Variants in NOL10 observed in about 807,000 individuals in gnomAD.
The protein encoded by NOL10 is H_NH0074G24.1.
NOL10 carries 58 observed loss-of-function variants against 103.5 expected under a neutral mutation model. The ratio of observed to expected loss-of-function variants is 0.56; its 90% CI spans 0.45 to 0.70. The LOEUF (loss-of-function observed/expected upper bound fraction) is 0.70, where lower values mean the gene tolerates loss of function less well. Ranked by LOEUF, NOL10 falls within the 30% of genes least tolerant of loss-of-function variation. NOL10 has a pLI of 0.00. For missense variants in NOL10, 763 were observed against 807.3 expected (o/e 0.95, Z 0.67); for synonymous variants, 287 against 282.5 (o/e 1.02, Z -0.16).
chr2:10,641,960 G>C (rs775649709), intron 13 of NOL10, among the ~76,000 whole-genome samples: 4 of 152,204 alleles, frequency 2.6e-5, no homozygotes, highest in Non-Finnish European at 5.9e-5. Flanking sequence ...ATCTACTTTT[G>C]ACATGCAGAA....
intron 17 of NOL10, among the ~76,000 whole-genome samples, chr2:10,590,154 T>A (rs1675321376): frequency 2.6e-5 from 4 of 152,326 alleles, no homozygotes; most frequent in African/African-American, 9.6e-5. Flanking sequence ...CACTCCAGGC[T>A]GGAGTGCAGT....
chr2:10,589,525 AACATT>A (rs1675289286), intron 18 of NOL10, 48 bp downstream of exon 18: 5 of 1,384,016 alleles, frequency 3.6e-6, no homozygotes, highest in East Asian at 2.3e-5. Flanking sequence ...TTACAAAGAA[AACATT>A]ACATTAAAGA....
chr2:10,623,498 C>T (rs1446291101), intron 13 of NOL10, among the ~76,000 whole-genome samples: 1 of 152,198 alleles, frequency 6.6e-6, no homozygotes, highest in East Asian at 1.9e-4. Context: ...TTTCTTACCT[C>T]TTGTAAGATC....
Position 10,667,200 on chromosome 2 carries a change from A to T in NOL10, c.591+18T>A. 6.5e-7 allele frequency: 1 copy of T among 1,541,106 alleles called. No homozygotes were observed. The highest frequency in any genetic ancestry group is 8.8e-7 in the Non-Finnish European group (1 of 1,133,814). On this transcript the variant is annotated intron_variant, in intron 8 of 20. Coordinates refer to ENST00000381685, the MANE Select transcript of NOL10 (RefSeq NM_024894.4). ...TATAAAACAAATATTCTAAAAAATA[A>T]AGTCAACATATGCTTACCTCTATGG...
intron 17 of NOL10, among the ~76,000 whole-genome samples, chr2:10,598,744 A>G (rs1675828509): frequency 1.3e-5 from 2 of 152,234 alleles, no homozygotes; most frequent in South Asian, 4.1e-4. Context: ...CTCCGTATCA[A>G]AAGTTTAGGA....
At chr2:10,682,805 G>T (rs1681871387) in intron 2 of NOL10, among the ~76,000 whole-genome samples, 1 of 149,548 alleles carries the variant, frequency 6.7e-6, no homozygotes, top group African/African-American at 2.5e-5. Context: ...CTTTTTTTTT[G>T]AGACAAGTCT....
chr2:10,667,413 C>A, intron 7 of NOL10, 135 bp from the exon 8 acceptor site: 1 of 692,122 alleles, frequency 1.4e-6, no homozygotes, highest in South Asian at 1.7e-5. Flanking sequence ...TACTAATCTG[C>A]AAATGGAAAA....
At chr2:10,637,188 CAAAAA>C (rs61693251) in intron 13 of NOL10, among the ~76,000 whole-genome samples, 1 of 44,522 alleles carries the variant, frequency 2.2e-5, no homozygotes, top group Non-Finnish European at 4.0e-5. Context: ...GACACTGTCT[CAAAAA>C]AAAAAAAAAA....
chr2:10,597,060 C>A (rs1675730665), intron 17 of NOL10, among the ~76,000 whole-genome samples: 1 of 152,086 alleles, frequency 6.6e-6, no homozygotes, highest in African/African-American at 2.4e-5. Flanking sequence ...GACTCCAACT[C>A]CTGGGCTCAA....
At chr2:10,659,099 G>A (rs1680018380) in intron 10 of NOL10, 73 bp downstream of exon 10, 1 of 980,680 alleles carries the variant, frequency 1.0e-6, no homozygotes, top group African/African-American at 1.6e-5. Flanking sequence ...TTCCTGCAGT[G>A]TATTTCTCAT....
At chr2:10,623,722 C>CT (rs1558298110) in intron 13 of NOL10, among the ~76,000 whole-genome samples, 1 of 152,136 alleles carries the variant, frequency 6.6e-6, no homozygotes, top group Non-Finnish European at 1.5e-5. Context: ...ATACTCAAAA[C>CT]TAACAACTAA....
intron 12 of NOL10, among the ~76,000 whole-genome samples, chr2:10,644,798 C>T (rs190054151): frequency 1.6e-4 from 24 of 152,200 alleles, no homozygotes; most frequent in Middle Eastern, 3.4e-3. Flanking sequence ...GATAACTTTC[C>T]GGCATTCAAT....
chr2:10,680,440 T>G (rs1380086450), intron 3 of NOL10, among the ~76,000 whole-genome samples: 1 of 151,862 alleles, frequency 6.6e-6, no homozygotes, highest in African/African-American at 2.4e-5. Flanking sequence ...TGCATGGGAA[T>G]AGAGGACGAT....
At chr2:10,625,824 A>T (rs1677423783) in intron 13 of NOL10, among the ~76,000 whole-genome samples, 2 of 151,882 alleles carry the variant, frequency 1.3e-5, no homozygotes, top group African/African-American at 2.4e-5. Context: ...TCTATTTGAA[A>T]TTTTTTCTCC....
intron 1 of NOL10, among the ~76,000 whole-genome samples, chr2:10,689,215 GC>G (rs1261574758): frequency 6.6e-6 from 1 of 152,186 alleles, no homozygotes; most frequent in Non-Finnish European, 1.5e-5. Context: ...AATCTCAGCT[GC>G]ATTACTAAAC....
chr2:10,652,625 G>A (rs544738908), intron 12 of NOL10, among the ~76,000 whole-genome samples: 36 of 152,196 alleles, frequency 2.4e-4, no homozygotes, highest in African/African-American at 7.0e-4. Context: ...TGGCACTGTC[G>A]TTCTGTCCAT....
chr2:10,617,972 G>C (rs935483867), intron 13 of NOL10, among the ~76,000 whole-genome samples: 1 of 151,928 alleles, frequency 6.6e-6, no homozygotes, highest in Non-Finnish European at 1.5e-5. Context: ...TTTCTGGTTA[G>C]TGTGACACAA....
intron 7 of NOL10, among the ~76,000 whole-genome samples, 160 bp downstream of exon 7, chr2:10,668,498 A>G (rs1680696981): frequency 6.6e-6 from 1 of 152,214 alleles, no homozygotes; most frequent in Non-Finnish European, 1.5e-5. Context: ...CAGATCTTTC[A>G]GTGAATTTTT....
At chr2:10,679,993 G>A (rs1681616997) in intron 3 of NOL10, among the ~76,000 whole-genome samples, 2 of 151,978 alleles carry the variant, frequency 1.3e-5, no homozygotes, top group Non-Finnish European at 2.9e-5. Context: ...AAAGCCATTA[G>A]GCCAGGCGCA....
Sources: allele counts gnomAD v4.1 joint callset (sites outside exome capture counted in the v4.1 genomes callset), GRCh38; gene constraint gnomAD v4.1.1; transcripts MANE v1.5; gene names NCBI Gene and HGNC (gene_info 2026-07-23, HGNC 2026-07-21).